OTOG: variants seen among roughly 807,000 people sequenced by gnomAD.
OTOG encodes the protein otogelin.
A neutral mutation model predicts 313.8 loss-of-function variants in OTOG; 296 were observed. The ratio of observed to expected loss-of-function variants is 0.94; its 90% CI spans 0.86 to 1.04. OTOG has a LOEUF of 1.04. OTOG is among the 50% of genes least tolerant of loss of function. The pLI, the probability that OTOG is intolerant of heterozygous loss-of-function variation, is 0.00. For synonymous variants in OTOG, 1,533 were observed against 1,554.9 expected (o/e 0.99, Z 0.33); for missense variants, 3,948 against 3,840.1 (o/e 1.03, Z -0.74).
At chr11:17,603,274 C>G (rs983472394) in intron 32 of OTOG, among the ~76,000 whole-genome samples, 9 of 152,206 alleles carry the variant, frequency 5.9e-5, no homozygotes, top group Non-Finnish European at 8.8e-5. Context: ...GCACCACCCC[C>G]AAAGACAGCA....
chr11:17,560,948 C>G (rs1300258813), intron 13 of OTOG, 131 bp downstream of exon 13: 1 of 1,190,384 alleles, frequency 8.4e-7, no homozygotes, highest in Non-Finnish European at 1.2e-6. Flanking sequence ...CCAGGGGAGT[C>G]TCATTAGATC....
intron 32 of OTOG, among the ~76,000 whole-genome samples, chr11:17,605,131 T>C (rs1744072896): frequency 6.6e-6 from 1 of 152,204 alleles, no homozygotes; most frequent in Admixed American, 6.5e-5. Context: ...TCCCGCCCCA[T>C]GCTCACTCCC....
In OTOG at chr11:17,609,725, G is replaced by T. The variant is rs1853476788; in HGVS notation, c.4425G>T (p.Leu1475Phe). 1 of 1,543,294 alleles carries T rather than the reference G, an allele frequency of 6.5e-7. No individual in the cohort carries two copies. Among genetic ancestry groups the T allele is most frequent in the South Asian group, 1.2e-5 (1 of 82,606 alleles). The change falls in exon 36 of 56, where the codon TTG becomes TTT. Residue 1475 changes from leucine to phenylalanine, a missense_variant. By Grantham distance (22) the Leu-to-Phe change is conservative. Coordinates refer to ENST00000399397, the MANE Select transcript of OTOG (RefSeq NM_001292063.2). ...GNETLPPSQGLPTPSDEEPQL... is the reference protein window; with the variant it reads ...GNETLPPSQGFPTPSDEEPQL... Reference sequence around the variant, plus strand: ...AGACCCTCCCTCCCAGTCAAGGGTTGCCCACTCCCAGTGATGAGGAGCCAC... The same window carrying T: ...AGACCCTCCCTCCCAGTCAAGGGTTTCCCACTCCCAGTGATGAGGAGCCAC...
At chr11:17,643,642 T>G in intron 54 of OTOG, 136 bp downstream of exon 54, 1 of 538,270 alleles carries the variant, frequency 1.9e-6, no homozygotes, top group African/African-American at 2.0e-5. Flanking sequence ...GATGAAGGGA[T>G]AACACCCACA....
intron 39 of OTOG, among the ~76,000 whole-genome samples, chr11:17,619,196 A>G (rs556369309): frequency 6.8e-4 from 104 of 152,300 alleles, no homozygotes; most frequent in Middle Eastern, 3.4e-3. Flanking sequence ...ACCTGGGCCC[A>G]GGAAGTTGAG....
intron 23 of OTOG, among the ~76,000 whole-genome samples, chr11:17,580,217 A>G (rs753690303): frequency 2.0e-5 from 3 of 152,224 alleles, no homozygotes; most frequent in Non-Finnish European, 4.4e-5. Context: ...GGGTCTGGCC[A>G]AGGGCCCTGG....
At chr11:17,578,248 G>T in intron 22 of OTOG, 125 bp from the exon 23 acceptor site, 2 of 1,405,834 alleles carry the variant, frequency 1.4e-6, no homozygotes, top group Non-Finnish European at 9.2e-7. Flanking sequence ...CAATGCCCAG[G>T]AGCGACCAGG....
At position 17,576,872 on chromosome 11, in the gene OTOG, T is replaced by G; in HGVS notation, c.2566T>G (p.Cys856Gly). Residue 856 changes from cysteine (C) to glycine (G), a missense_variant, in exon 22 of 56, where the codon TGC becomes GGC. Physicochemically the swap from Cys to Gly is radical, Grantham distance 159. Transcript: ENST00000399397. ...AGGGCCCGTCTCTCTCTGCAGCCACTGCAAAGATGGAGTCATGAGCTGTGA... is the reference window on the plus strand; with the variant it reads ...AGGGCCCGTCTCTCTCTGCAGCCACGGCAAAGATGGAGTCATGAGCTGTGA... Reference protein sequence around the residue: ...SDIPSLGHCHCKDGVMSCDSR... With the variant: ...SDIPSLGHCHGKDGVMSCDSR... The G allele has an allele frequency of 6.5e-7, 1 of 1,550,372 alleles. No homozygotes were observed. The highest frequency in any genetic ancestry group is 8.7e-7 in the Non-Finnish European group (1 of 1,146,942).
At chr11:17,582,580 C>T (rs532132136) in intron 23 of OTOG, among the ~76,000 whole-genome samples, 7 of 152,270 alleles carry the variant, frequency 4.6e-5, no homozygotes, top group East Asian at 3.9e-4. Context: ...CAATTTTACA[C>T]GTCCAGTATA....
chr11:17,578,385 C>G lies in OTOG; in HGVS notation c.2618C>G (p.Pro873Arg). The G allele has an allele frequency of 6.6e-7, 1 of 1,520,326 alleles. No homozygotes were observed. Among genetic ancestry groups the G allele is most frequent in the Non-Finnish European group, 8.8e-7 (1 of 1,134,862 alleles). 94.2% of individuals were successfully genotyped at this position (1,520,326 alleles called of 1,614,324 possible). ...CDSRAPAAAC[P>R]AGQVFVNCSD... is the part of the protein sequence containing the mutation. ...TCTTCTCTTCCAGCTGCTGCCTGCC[C>G]AGCAGGCCAGGTCTTCGTGAACTGC... The change falls in exon 23 of 56, where the codon CCA becomes CGA. Residue 873 changes from proline to arginine, a missense_variant. Coordinates refer to ENST00000399397, the MANE Select transcript of OTOG (RefSeq NM_001292063.2).
rs776029325 is a variant in OTOG, at chr11:17,611,209, C to G, written c.5909C>G (p.Ser1970Ter). The change falls in exon 36 of 56, where the codon TCA becomes TGA. Residue 1970 changes from serine (S) to a stop codon, truncating the protein, a stop_gained. Transcript: ENST00000399397. LOFTEE classifies it high-confidence loss of function. Reference sequence around the variant, plus strand: ...ACATCCTATGCCCTGAGCCGTGTCTCAGCCAGGACGGCCCCCCAAGACAGC... The same window carrying G: ...ACATCCTATGCCCTGAGCCGTGTCTGAGCCAGGACGGCCCCCCAAGACAGC... ...VPTSYALSRV[S>*]ARTAPQDSML... is the part of the protein sequence containing the mutation. 1 of 1,550,444 alleles carries G rather than the reference C, an allele frequency of 6.4e-7. No homozygotes were observed. The highest frequency in any genetic ancestry group is 1.2e-5 in the South Asian group (1 of 84,048).
chr11:17,619,259 G>A (rs1452926208), intron 39 of OTOG, among the ~76,000 whole-genome samples: 2 of 152,162 alleles, frequency 1.3e-5, no homozygotes, highest in Admixed American at 6.5e-5. Context: ...TGACAGGAGT[G>A]AGGCCCTGTC....
At chr11:17,565,873 G>C (rs1295293567) in intron 15 of OTOG, among the ~76,000 whole-genome samples, 1 of 151,818 alleles carries the variant, frequency 6.6e-6, no homozygotes, top group Non-Finnish European at 1.5e-5. Flanking sequence ...TTACTTTCTG[G>C]GCCTATTAGA....
intron 15 of OTOG, among the ~76,000 whole-genome samples, chr11:17,565,291 T>A (rs951629165): frequency 1.3e-5 from 2 of 152,226 alleles, no homozygotes; most frequent in Non-Finnish European, 2.9e-5. Flanking sequence ...GCCTCTCTAT[T>A]GGAATTTGTC....
Position 17,574,804 on chromosome 11 carries a change from C to A in OTOG, c.2378C>A (p.Ala793Asp). 6.4e-7 allele frequency: 1 copy of A among 1,550,578 alleles called. No individual in the cohort carries two copies. The highest frequency in any genetic ancestry group is 8.7e-7 in the Non-Finnish European group (1 of 1,146,922). Residue 793 changes from alanine to aspartate, a missense_variant, in exon 20 of 56, where the codon GCC becomes GAC. Coordinates refer to ENST00000399397, the MANE Select transcript of OTOG (RefSeq NM_001292063.2). Reference protein sequence around the residue: ...RTCQDLASPEACGVDGGDDLS... With the variant: ...RTCQDLASPEDCGVDGGDDLS... ...TGCCAGGACCTGGCCAGCCCTGAGG[C>A]CTGTGGGGTTGATGGTGGCGATGAC...
At chr11:17,616,733 G>A (rs7105444) in intron 39 of OTOG, among the ~76,000 whole-genome samples, 3,802 of 152,206 alleles carry the variant, frequency 0.025, 172 homozygotes, top group African/African-American at 0.086. Context: ...ATCTTGCAAC[G>A]TTACTAAGCT....
intron 39 of OTOG, among the ~76,000 whole-genome samples, chr11:17,616,695 A>G (rs1344902454): frequency 6.6e-6 from 1 of 152,218 alleles, no homozygotes; most frequent in Non-Finnish European, 1.5e-5. Flanking sequence ...TAATGCAAAT[A>G]CAGCTTATTT....
Position 17,559,878 on chromosome 11 carries a change from AAG to A in OTOG, c.1342+217_1342+218del, listed in dbSNP as rs1373950784. ...GAAGGAAGGGAAGAAGGAAGGAAGGAAGGAAGGGAGAGAGGGAGGGAGGGAGG... is the reference window on the plus strand; with the variant it reads ...GAAGGAAGGGAAGAAGGAAGGAAGGAGAAGGGAGAGAGGGAGGGAGGGAGG... On this transcript the variant is annotated intron_variant, in intron 12 of 55. Coordinates refer to ENST00000399397, the MANE Select transcript of OTOG (RefSeq NM_001292063.2). Among the ~76,000 whole-genome samples the A allele has an allele frequency of 5.0e-4, 73 of 145,758 alleles. 1 individual carries two copies. The highest frequency in any genetic ancestry group is 4.1e-3 in the Admixed American group (60 of 14,688).
chr11:17,591,401 G>A (rs1229952452), intron 24 of OTOG, 49 bp from the exon 25 acceptor site: 4 of 1,547,122 alleles, frequency 2.6e-6, no homozygotes, highest in Admixed American at 2.0e-5. Flanking sequence ...GAGTATTCAG[G>A]TATGGGGTGG....
Sources: allele counts gnomAD v4.1 joint callset (sites outside exome capture counted in the v4.1 genomes callset), GRCh38; gene constraint gnomAD v4.1.1; transcripts MANE v1.5; gene names NCBI Gene and HGNC (gene_info 2026-07-23, HGNC 2026-07-21).